SLAIN1: variants seen among roughly 807,000 people sequenced by gnomAD.
The protein encoded by SLAIN1 is SLAIN family member 1.
Under a neutral mutation model 55.4 loss-of-function variants are expected in SLAIN1, and 17 were observed. The observed-to-expected ratio is 0.31, with a 90% CI of 0.21 to 0.46. The LOEUF (loss-of-function observed/expected upper bound fraction) is 0.46, where lower values mean the gene tolerates loss of function less well. Ranked by LOEUF, SLAIN1 falls within the 20% of genes least tolerant of loss-of-function variation. The pLI, the probability that SLAIN1 is intolerant of heterozygous loss-of-function variation, is 1.00. For synonymous variants in SLAIN1, 348 were observed against 337.4 expected, an observed-to-expected ratio of 1.03 and a Z score of -0.35; for missense variants, 682 against 785.1, an observed-to-expected ratio of 0.87 and a Z score of 1.57.
At chr13:77,710,242 C>A (rs1311570548) in intron 1 of SLAIN1, among the ~76,000 whole-genome samples, 1 of 151,964 alleles carries the variant, frequency 6.6e-6, no homozygotes. Context: ...TAACCTTAAA[C>A]GTAAATGGGA....
chr13:77,733,977 TCA>T (rs1246316259), intron 2 of SLAIN1, among the ~76,000 whole-genome samples: 1 of 152,162 alleles, frequency 6.6e-6, no homozygotes, highest in Admixed American at 6.6e-5. Context: ...AGCTTGTATC[TCA>T]GTCTGTGCAG....
chr13:77,698,220 G>A lies in SLAIN1; in HGVS notation c.307G>A (p.Gly103Ser). 7.7e-7 allele frequency: 1 copy of A among 1,305,690 alleles called. No individual in the cohort carries two copies. Among genetic ancestry groups the A allele is most frequent in the Non-Finnish European group, 9.7e-7 (1 of 1,026,660 alleles). The allele number at this position is 1,305,690 out of a possible 1,614,324, so 80.9% of individuals were successfully genotyped here. A position where few individuals can be genotyped will look rare whatever the true frequency, so the allele number is the denominator to read the frequency against. ...GGGCCTGGGGCTCGGGCTGGCGCTG[G>A]GCGCGGGGGGCGGTGGCGGCAGCGG... ...SGGLGLGLAL[G>S]AGGGGGSGSG... The change falls in exon 1 of 7, where the codon GGC (glycine) becomes AGC (serine). Residue 103 changes from glycine to serine, a missense_variant. Physicochemically the swap from Gly to Ser is moderately conservative, Grantham distance 56. Coordinates refer to ENST00000418532, the MANE Select transcript of SLAIN1 (RefSeq NM_001242868.2). This position sits in a 1 kb window ranked among gnomAD's most constrained non-coding sequence, Gnocchi z 4.1.
chr13:77,756,199 T>C (rs192091330), intron 5 of SLAIN1, among the ~76,000 whole-genome samples: 1 of 152,262 alleles, frequency 6.6e-6, no homozygotes, highest in East Asian at 1.9e-4. Flanking sequence ...TTATATATGT[T>C]ACATGTAGGA....
intron 2 of SLAIN1, among the ~76,000 whole-genome samples, chr13:77,738,237 C>CAT (rs1216269968): frequency 1.7e-5 from 1 of 57,350 alleles, no homozygotes; most frequent in Non-Finnish European, 4.2e-5. Flanking sequence ...TATACATATA[C>CAT]ATATATATAC....
chr13:77,743,579 G>A (rs1873604034), intron 2 of SLAIN1: 1 of 152,802 alleles, frequency 6.5e-6, no homozygotes, highest in Non-Finnish European at 1.5e-5. Flanking sequence ...TTTATGAGAT[G>A]AGGATCTCAC....
chr13:77,707,339 T>C (rs1245819717), intron 1 of SLAIN1, among the ~76,000 whole-genome samples: 3 of 152,148 alleles, frequency 2.0e-5, no homozygotes, highest in Admixed American at 1.3e-4. Context: ...TTTTTTTCAA[T>C]ATCCATGTGT....
intron 5 of SLAIN1, among the ~76,000 whole-genome samples, chr13:77,759,302 A>T (rs1375719268): frequency 6.6e-6 from 1 of 152,122 alleles, no homozygotes; most frequent in Admixed American, 6.5e-5. Context: ...ACTTTACTGA[A>T]TCCATTTATC....
At chr13:77,729,083 C>G (rs2091333513) in intron 2 of SLAIN1, among the ~76,000 whole-genome samples, 1 of 152,080 alleles carries the variant, frequency 6.6e-6, no homozygotes, top group Non-Finnish European at 1.5e-5. Context: ...TTGCTTTGCT[C>G]TTATGTTCAG....
chr13:77,739,864 A>G (rs1258339320), intron 2 of SLAIN1, among the ~76,000 whole-genome samples: 1 of 152,140 alleles, frequency 6.6e-6, no homozygotes, highest in Middle Eastern at 3.2e-3. Flanking sequence ...AAATAACTAC[A>G]CAGATGTGTT....
At chr13:77,721,927 C>G (rs1207961635) in intron 2 of SLAIN1, among the ~76,000 whole-genome samples, 1 of 148,832 alleles carries the variant, frequency 6.7e-6, no homozygotes, top group Non-Finnish European at 1.5e-5. Context: ...CATTTGCACA[C>G]TAGATAGATT....
At chr13:77,699,302 C>T (rs891693943) in intron 1 of SLAIN1, 2 of 281,368 alleles carry the variant, frequency 7.1e-6, no homozygotes, top group East Asian at 6.4e-5. Context: ...TTAAATTAAA[C>T]TGTAGAAGAA....
Position 77,698,402 on chromosome 13 carries a change from G to A in SLAIN1, c.489G>A (p.Gly163=), listed in dbSNP as rs1478862387. The A allele has an allele frequency of 4.3e-6, 6 of 1,407,240 alleles. No homozygotes were observed. In the African/African-American group the frequency reaches 6.0e-5, roughly 14 times the overall value. 87.2% of individuals were successfully genotyped at this position (1,407,240 alleles called of 1,614,324 possible). A position where few individuals can be genotyped will look rare whatever the true frequency, so the allele number is the denominator to read the frequency against. The part of the protein sequence containing the change: ...AAGFFGAGGG[G]PEPGGAGTPP... Reference sequence around the variant, plus strand: ...GCTTCTTCGGCGCGGGCGGTGGCGGGCCGGAGCCGGGGGGCGCGGGGACGC... The same window carrying A: ...GCTTCTTCGGCGCGGGCGGTGGCGGACCGGAGCCGGGGGGCGCGGGGACGC... The change falls in exon 1 of 7, where the codon GGG becomes GGA. Residue 163 remains glycine, a synonymous_variant. Transcript: ENST00000418532. The surrounding 1 kb of genome is among the most constrained non-coding windows in gnomAD (Gnocchi z 4.1).
chr13:77,736,246 T>C (rs1873109595), intron 2 of SLAIN1, among the ~76,000 whole-genome samples: 1 of 152,068 alleles, frequency 6.6e-6, no homozygotes, highest in Admixed American at 6.6e-5. Context: ...AGCATATTTA[T>C]TGCCTGTAAC....
At position 77,716,503 on chromosome 13, in the gene SLAIN1, A is replaced by G. The variant is rs191601644; in HGVS notation, c.627-3029A>G. ...ATCTTAATATTTAGTTTTCTTACTCACGAAAATGGCATATCTCTCCAGTTA... is the reference window on the plus strand; with the variant it reads ...ATCTTAATATTTAGTTTTCTTACTCGCGAAAATGGCATATCTCTCCAGTTA... On this transcript the variant is annotated intron_variant, in intron 1 of 6. Coordinates refer to ENST00000418532, the MANE Select transcript of SLAIN1 (RefSeq NM_001242868.2). 2.0e-5 allele frequency among the ~76,000 whole-genome samples: 3 copies of G among 152,162 alleles called. 1 individual carries two copies. The highest frequency in any genetic ancestry group is 7.2e-5 in the African/African-American group (3 of 41,512).
At chr13:77,740,141 G>A (rs990541524) in intron 2 of SLAIN1, among the ~76,000 whole-genome samples, 3 of 152,048 alleles carry the variant, frequency 2.0e-5, no homozygotes, top group African/African-American at 7.2e-5. Context: ...GTAGTGAAAT[G>A]AGCTGAAGTA....
chr13:77,723,188 A>G (rs1201774245), intron 2 of SLAIN1, among the ~76,000 whole-genome samples: 2 of 152,190 alleles, frequency 1.3e-5, no homozygotes, highest in East Asian at 1.9e-4. Flanking sequence ...AGTATGAGAC[A>G]CATAAATCCA....
chr13:77,724,497 G>A (rs1247294777), intron 2 of SLAIN1, among the ~76,000 whole-genome samples: 4 of 152,130 alleles, frequency 2.6e-5, no homozygotes, highest in African/African-American at 9.7e-5. Flanking sequence ...CTTTATAAGA[G>A]TTTGAGTTTA....
intron 1 of SLAIN1, among the ~76,000 whole-genome samples, chr13:77,716,811 T>A (rs2091212540): frequency 6.6e-6 from 1 of 152,158 alleles, no homozygotes; most frequent in African/African-American, 2.4e-5. Context: ...GATCATGTCA[T>A]CTGTGAATAA....
intron 1 of SLAIN1, among the ~76,000 whole-genome samples, chr13:77,712,664 C>T (rs773305923): frequency 2.0e-5 from 3 of 152,142 alleles, no homozygotes; most frequent in Non-Finnish European, 4.4e-5. Flanking sequence ...AGTGCCATCC[C>T]CATCAAGCTA....
Sources: gnomAD v4.1 joint callset for allele counts (sites outside exome capture counted in the v4.1 genomes callset) on GRCh38, gnomAD v4.1.1 for gene constraint, Gnocchi (gnomAD v3.1) non-coding constraint, MANE v1.5 for transcripts, NCBI Gene and HGNC (gene_info 2026-07-23, HGNC 2026-07-21) for gene names.